SYBU: variants seen among roughly 807,000 people sequenced by gnomAD.
SYBU encodes GOLSYN A protein.
In SYBU, 21 loss-of-function variants were observed where a neutral mutation model predicts 35.9. That is an observed-to-expected ratio of 0.58 (90% CI 0.41 to 0.84). The LOEUF (loss-of-function observed/expected upper bound fraction) is 0.84. SYBU is among the 40% of genes least tolerant of loss of function. The probability of loss-of-function intolerance (pLI) is 0.00; values close to 1 mark genes in which losing one functional copy is unlikely to be tolerated. For synonymous variants in SYBU, 319 were observed against 324.3 expected (o/e 0.98, Z 0.18); for missense variants, 768 against 848.2 (o/e 0.91, Z 1.17).
intron 3 of SYBU, among the ~76,000 whole-genome samples, chr8:109,590,269 T>C (rs1046451295): frequency 3.3e-5 from 5 of 152,218 alleles, no homozygotes; most frequent in African/African-American, 1.2e-4. Flanking sequence ...AGCCAAGGTA[T>C]CCAAGAAACG....
intron 1 of SYBU, chr8:109,643,291 T>C: frequency 3.7e-6 from 2 of 543,018 alleles, no homozygotes; most frequent in South Asian, 1.6e-4. Context: ...AGGCTCTTTA[T>C]TAACACCACA....
At position 109,663,987 on chromosome 8, in the gene SYBU, T is replaced by A. The variant is rs148658039; in HGVS notation, c.-129+16724A>T. ...CAGGACTAATACAAATATGGTATGA[T>A]CATTTGACACATTAAGCTAAATAAA... On this transcript the variant is annotated intron_variant, in intron 1 of 5. Coordinates refer to the SYBU transcript ENST00000408889. Among the ~76,000 whole-genome samples, 123 of 152,328 alleles carry A rather than the reference T, an allele frequency of 8.1e-4. 3 individuals carry two copies. In the East Asian group the frequency reaches 0.021, roughly 26 times the overall value.
At chr8:109,633,219 C>T (rs1359911034) in intron 2 of SYBU, among the ~76,000 whole-genome samples, 1 of 152,064 alleles carries the variant, frequency 6.6e-6, no homozygotes, top group Non-Finnish European at 1.5e-5. Flanking sequence ...AGAAGGGTAG[C>T]CTAAGATCCA....
intron 3 of SYBU, among the ~76,000 whole-genome samples, chr8:109,604,487 C>T (rs774732999): frequency 5.9e-5 from 9 of 152,106 alleles, no homozygotes; most frequent in Non-Finnish European, 1.3e-4. Context: ...CTGGTCACTG[C>T]CTAGCACATT....
upstream of SYBU, chr8:109,648,150 C>T (rs1362421444): frequency 1.3e-5 from 2 of 150,964 alleles, no homozygotes; most frequent in South Asian, 4.2e-4. Context: ...TGTTTTATCA[C>T]CTTTTGGCTT....
In SYBU at chr8:109,607,808, T is replaced by TCACTCACA. The variant is rs1826221121; in HGVS notation, c.427+11033_427+11034insTGTGAGTG. On this transcript the variant is annotated intron_variant, in intron 3 of 6. Transcript: ENST00000276646. ...TCCATTTTGGCCTACCACAACTAACTCACACACACACACACACACACACAC... is the reference window on the plus strand; with the variant it reads ...TCCATTTTGGCCTACCACAACTAACTCACTCACACACACACACACACACACACACACAC... The TCACTCACA allele has an allele frequency of 2.7e-5, 10 of 377,124 alleles. No homozygotes were observed. In the Admixed American group the frequency reaches 4.0e-4, roughly 15 times the overall value. 23.4% of individuals were successfully genotyped at this position (377,124 alleles called of 1,614,324 possible).
intron 1 of SYBU, among the ~76,000 whole-genome samples, chr8:109,660,362 T>G (rs1816516514): frequency 6.6e-6 from 1 of 152,220 alleles, no homozygotes; most frequent in South Asian, 2.1e-4. Context: ...TTTTGAACTG[T>G]GTATTTACGT....
chr8:109,690,164 CA>C (rs1466308901), intron 1 of SYBU, among the ~76,000 whole-genome samples: 2 of 151,976 alleles, frequency 1.3e-5, no homozygotes, highest in African/African-American at 4.8e-5. Flanking sequence ...ATAAATTAAG[CA>C]ATCAAAATCT....
intron 1 of SYBU, among the ~76,000 whole-genome samples, chr8:109,658,024 G>A (rs923612329): frequency 6.6e-6 from 1 of 152,166 alleles, no homozygotes; most frequent in Non-Finnish European, 1.5e-5. Context: ...GACACTATCT[G>A]TGGGTTTCTT....
intron 1 of SYBU, among the ~76,000 whole-genome samples, chr8:109,677,601 G>A (rs1817238295): frequency 1.3e-5 from 2 of 152,194 alleles, no homozygotes; most frequent in Admixed American, 1.3e-4. Flanking sequence ...ATAAGCTGAG[G>A]AAGGAAGGTG....
intron 3 of SYBU, among the ~76,000 whole-genome samples, chr8:109,591,374 C>T (rs1824225982): frequency 6.6e-6 from 1 of 151,928 alleles, no homozygotes; most frequent in African/African-American, 2.4e-5. Flanking sequence ...TAAAGAGACT[C>T]TTATTTTCAT....
At chr8:109,638,508 G>A (rs953935058) in intron 2 of SYBU, among the ~76,000 whole-genome samples, 3 of 151,838 alleles carry the variant, frequency 2.0e-5, no homozygotes, top group Non-Finnish European at 2.9e-5. Flanking sequence ...ATGCCAAAAC[G>A]CTGGTTTAAA....
In SYBU at chr8:109,691,082, CAACCAATCA is replaced by C. The variant is rs1023728994; in HGVS notation, c.-58+242_-58+250del. On this transcript the variant is annotated intron_variant, in intron 1 of 7. Coordinates refer to the SYBU transcript ENST00000422135. This position sits in a 1 kb window ranked among gnomAD's most constrained non-coding sequence, Gnocchi z 4.7. ...AAGGAGTCCAGCCCGACCGTCTCAA[CAACCAATCA>C]AACCAATCAAACAGGAGGGCCTTTC... is the stretch of plus-strand genomic sequence containing the variant. 1.3e-5 allele frequency among the ~76,000 whole-genome samples: 2 copies of C among 152,206 alleles called. No homozygotes were observed. Among genetic ancestry groups the C allele is most frequent in the Non-Finnish European group, 2.9e-5 (2 of 68,036 alleles).
Position 109,578,016 on chromosome 8 carries a change from G to A in SYBU, c.736C>T (p.Arg246Cys), listed in dbSNP as rs373047133. Residue 246 changes from arginine to cysteine, a missense_variant and splice_region_variant, in exon 6 of 7, where the codon CGT becomes TGT. Physicochemically the swap from Arg to Cys is radical, Grantham distance 180 (BLOSUM62 -3). Transcript: ENST00000276646. ...CCGCAAGACATGTACCTTCCAGAAC[G>A]CCTGAAACAATCCAAGTAATGAAAT... Reference protein sequence around the residue: ...KGSDCSPIMRRSGRYMSCGEN... With the variant: ...KGSDCSPIMRCSGRYMSCGEN... The A allele has an allele frequency of 5.2e-5, 84 of 1,602,924 alleles. No individual in the cohort carries two copies. The Middle Eastern group carries it at 8.3e-4, about 16-fold the overall frequency.
intron 1 of SYBU, among the ~76,000 whole-genome samples, chr8:109,657,613 T>G (rs1279954863): frequency 6.6e-6 from 1 of 152,246 alleles, no homozygotes; most frequent in South Asian, 2.1e-4. Context: ...TGGAAATGAC[T>G]GCAGAATACA....
intron 1 of SYBU, among the ~76,000 whole-genome samples, chr8:109,662,021 T>C (rs1351940397): frequency 6.6e-6 from 1 of 152,232 alleles, no homozygotes; most frequent in Non-Finnish European, 1.5e-5. Context: ...AAACCCAAAC[T>C]ATATTTCAAA....
At chr8:109,666,840 AT>A (rs1433945359) in intron 1 of SYBU, among the ~76,000 whole-genome samples, 1 of 152,174 alleles carries the variant, frequency 6.6e-6, no homozygotes, top group Non-Finnish European at 1.5e-5. Flanking sequence ...TACTACATTT[AT>A]TTTTTAAAAG....
intron 3 of SYBU, among the ~76,000 whole-genome samples, chr8:109,598,517 T>C (rs929869766): frequency 4.2e-4 from 64 of 152,198 alleles, no homozygotes; most frequent in African/African-American, 1.4e-3. Context: ...GTACCTATCA[T>C]ATGGAATTTT....
At chr8:109,606,255 C>T (rs921789591) in intron 3 of SYBU, among the ~76,000 whole-genome samples, 1 of 152,148 alleles carries the variant, frequency 6.6e-6, no homozygotes, top group African/African-American at 2.4e-5. Flanking sequence ...GCTAATGCCT[C>T]CCTTGACTAC....
Sources: gnomAD v4.1 joint callset for allele counts (sites outside exome capture counted in the v4.1 genomes callset) on GRCh38, gnomAD v4.1.1 for gene constraint, Gnocchi (gnomAD v3.1) non-coding constraint, MANE v1.5 for transcripts, NCBI Gene and HGNC (gene_info 2026-07-23, HGNC 2026-07-21) for gene names.